Variants in LDLRAD4 observed in about 807,000 individuals in gnomAD.
LDLRAD4 encodes low density lipoprotein receptor class A domain containing 4.
In LDLRAD4, 5 loss-of-function variants were observed where a neutral mutation model predicts 17.0. That is an observed-to-expected ratio of 0.29 (90% confidence interval 0.15 to 0.62). The LOEUF (loss-of-function observed/expected upper bound fraction) is 0.62. Among genes scored for constraint, LDLRAD4 ranks in the 20% least tolerant of loss-of-function variants. The pLI is 0.84. For synonymous variants in LDLRAD4, 168 were observed against 171.8 expected, an observed-to-expected ratio of 0.98 and a Z score of 0.17; for missense variants, 340 against 424.7, an observed-to-expected ratio of 0.80 and a Z score of 1.75.
chr18:13,419,493 CCTAT>C (rs2089249373), intron 2 of LDLRAD4: 3 of 152,088 alleles, frequency 2.0e-5, no homozygotes, highest in Admixed American at 1.3e-4. Context: ...CTCACCACAA[CCTAT>C]CTGAGAGTCT....
At chr18:13,577,104 G>GC (rs1487699465) in intron 3 of LDLRAD4, among the ~76,000 whole-genome samples, 1 of 151,068 alleles carries the variant, frequency 6.6e-6, no homozygotes, top group Non-Finnish European at 1.5e-5. Context: ...ATCCGAATTT[G>GC]CATGAGGCTA....
chr18:13,348,384 G>A (rs1880356296), intron 1 of LDLRAD4, among the ~76,000 whole-genome samples: 1 of 152,212 alleles, frequency 6.6e-6, no homozygotes, highest in Non-Finnish European at 1.5e-5. Context: ...CTGCAGAACA[G>A]TGAATATTGG....
chr18:13,436,184 T>A lies in LDLRAD4; in HGVS notation c.41-2060T>A, dbSNP rs548578983. Among the ~76,000 whole-genome samples, 473 of 152,360 alleles carry A rather than the reference T, an allele frequency of 3.1e-3. 4 individuals carry two copies. Among genetic ancestry groups the A allele is most frequent in the African/African-American group, 0.011 (450 of 41,578 alleles). On this transcript the variant is annotated intron_variant, in intron 2 of 5. Coordinates refer to ENST00000359446, the Ensembl canonical transcript of LDLRAD4. ...GCAAATTAGTCACTGCTCATATTTT[T>A]AAAATAGTTCATGTCATAAGCTCTT...
chr18:13,538,986 C>T (rs1342915617), intron 3 of LDLRAD4, among the ~76,000 whole-genome samples: 3 of 152,168 alleles, frequency 2.0e-5, no homozygotes, highest in Non-Finnish European at 4.4e-5. Context: ...TGTTTTTGTA[C>T]CTCCTTGGCT....
At chr18:13,505,379 G>A (rs562082927) in intron 3 of LDLRAD4, among the ~76,000 whole-genome samples, 3 of 152,324 alleles carry the variant, frequency 2.0e-5, no homozygotes, top group African/African-American at 7.2e-5. Context: ...GATGTTAATA[G>A]CAGGAAAAAT....
chr18:13,307,896 G>A (rs1372682514), intron 1 of LDLRAD4, among the ~76,000 whole-genome samples: 1 of 152,154 alleles, frequency 6.6e-6, no homozygotes, highest in African/African-American at 2.4e-5. Flanking sequence ...AGCTATACTT[G>A]GATTTTTGAC....
At chr18:13,504,325 A>G (rs1182661736) in intron 3 of LDLRAD4, among the ~76,000 whole-genome samples, 3 of 152,264 alleles carry the variant, frequency 2.0e-5, no homozygotes, top group South Asian at 2.1e-4. Context: ...GATGAAGACC[A>G]TGGCTTTTAA....
intron 3 of LDLRAD4, among the ~76,000 whole-genome samples, chr18:13,443,146 G>A (rs909114127): frequency 6.6e-6 from 1 of 152,154 alleles, no homozygotes; most frequent in Non-Finnish European, 1.5e-5. Context: ...TCCTCCCATT[G>A]CCATTTAGGG....
chr18:13,270,019 T>C (rs2044437350), intron 1 of LDLRAD4, among the ~76,000 whole-genome samples: 1 of 152,160 alleles, frequency 6.6e-6, no homozygotes, highest in African/African-American at 2.4e-5. Context: ...ACCAGGGCTG[T>C]CTAGAGCCGT....
At chr18:13,324,350 G>T (rs1460066520) in intron 1 of LDLRAD4, among the ~76,000 whole-genome samples, 3 of 151,664 alleles carry the variant, frequency 2.0e-5, no homozygotes, top group African/African-American at 4.8e-5. Flanking sequence ...TACCATGTTA[G>T]CCAGTATGGT....
intron 2 of LDLRAD4, among the ~76,000 whole-genome samples, chr18:13,408,062 C>T (rs2087938270): frequency 6.6e-6 from 1 of 152,140 alleles, no homozygotes. Context: ...ATTACTGTCA[C>T]CTTATATTCA....
rs555121152 is a variant in LDLRAD4 at position 13,224,112 on chromosome 18, A to G, written c.-467+5124A>G. 1.2e-3 allele frequency among the ~76,000 whole-genome samples: 184 copies of G among 152,116 alleles called. No homozygotes were observed. The Middle Eastern group carries it at 0.02, about 17-fold the overall frequency. ...ACTCCCTCCCCTGTTTTTAATCCTA[A>G]TCTCTGCTCTCTGCCTGTTTTACCT... On this transcript the variant is annotated intron_variant, in intron 1 of 5. Coordinates refer to the LDLRAD4 transcript ENST00000399848.
At chr18:13,250,813 C>T (rs561219825) in intron 1 of LDLRAD4, among the ~76,000 whole-genome samples, 9 of 152,310 alleles carry the variant, frequency 5.9e-5, no homozygotes, top group Non-Finnish European at 8.8e-5. Flanking sequence ...AAGAAGAATT[C>T]ATACTAGTTC....
At chr18:13,329,040 G>T (rs1351849612) in intron 1 of LDLRAD4, among the ~76,000 whole-genome samples, 3 of 152,112 alleles carry the variant, frequency 2.0e-5, no homozygotes, top group African/African-American at 7.2e-5. Context: ...GCATAGTTTT[G>T]ACTGGATTGA....
At chr18:13,389,982 CG>C (rs144157813) in intron 2 of LDLRAD4, among the ~76,000 whole-genome samples, 2,107 of 151,404 alleles carry the variant, frequency 0.014, 39 homozygotes, top group African/African-American at 0.047. Flanking sequence ...CCCCAGCTCA[CG>C]TTTTTTTTTA....
chr18:13,319,281 C>T (rs935868784), intron 1 of LDLRAD4, among the ~76,000 whole-genome samples: 10 of 152,204 alleles, frequency 6.6e-5, no homozygotes, highest in Non-Finnish European at 1.0e-4. Flanking sequence ...TATGATTCGT[C>T]CCAGTTCACG....
At chr18:13,474,783 C>T (rs1010924546) in intron 3 of LDLRAD4, among the ~76,000 whole-genome samples, 2 of 152,142 alleles carry the variant, frequency 1.3e-5, no homozygotes, top group Non-Finnish European at 2.9e-5. Context: ...CTTTGTCTCC[C>T]GAGGTTAGGA....
intron 3 of LDLRAD4, among the ~76,000 whole-genome samples, chr18:13,455,439 T>A (rs566727607): frequency 1.3e-5 from 2 of 152,240 alleles, no homozygotes; most frequent in Admixed American, 6.5e-5. Flanking sequence ...ATGAGGCCCG[T>A]AAAGGTCATG....
At chr18:13,348,951 G>A (rs942084272) in intron 1 of LDLRAD4, among the ~76,000 whole-genome samples, 1 of 152,176 alleles carries the variant, frequency 6.6e-6, no homozygotes, top group African/African-American at 2.4e-5. Context: ...AGAGTGACCC[G>A]ATTTTCCAGG....
Sources: gnomAD v4.1 joint callset for allele counts (sites outside exome capture counted in the v4.1 genomes callset) on GRCh38, gnomAD v4.1.1 for gene constraint, MANE v1.5 for transcripts, NCBI Gene and HGNC (gene_info 2026-07-23, HGNC 2026-07-21) for gene names.